EPM2A: variants seen among roughly 807,000 people sequenced by gnomAD.
EPM2A encodes the protein laforin.
In EPM2A, 21 loss-of-function variants were observed where a neutral mutation model predicts 26.5. The observed-to-expected ratio is 0.79, with a 90% CI of 0.56 to 1.14. The LOEUF (loss-of-function observed/expected upper bound fraction) is 1.14, where lower values mean the gene tolerates loss of function less well. EPM2A is among the 50% of genes most tolerant of loss of function. The pLI is 0.00. For synonymous variants in EPM2A, 217 were observed against 177.6 expected (o/e 1.22, Z -1.76); for missense variants, 458 against 440.8 (o/e 1.04, Z -0.35).
At chr6:145,576,502 TG>T (rs1202688829) in intron 2 of EPM2A, among the ~76,000 whole-genome samples, 1 of 152,220 alleles carries the variant, frequency 6.6e-6, no homozygotes, top group African/African-American at 2.4e-5. Flanking sequence ...GCAACCTTGC[TG>T]GAAACAGAAT....
intron 4 of EPM2A, among the ~76,000 whole-genome samples, chr6:145,437,275 C>T (rs1189916130): frequency 6.6e-6 from 1 of 152,078 alleles, no homozygotes; most frequent in Non-Finnish European, 1.5e-5. Context: ...TCGCCTTCTC[C>T]CATGATTGTA....
intron 2 of EPM2A, among the ~76,000 whole-genome samples, chr6:145,616,152 A>G (rs549352953): frequency 6.6e-6 from 1 of 152,326 alleles, no homozygotes; most frequent in South Asian, 2.1e-4. Flanking sequence ...AAGTGGTTTC[A>G]TGGGCCAGGC....
Position 145,726,012 on chromosome 6 carries a change from G to A in EPM2A, c.301+9186C>T, listed in dbSNP as rs140874263. On this transcript the variant is annotated intron_variant, in intron 1 of 3. Coordinates refer to ENST00000367519, the MANE Select transcript of EPM2A (RefSeq NM_005670.4). ...GAGGCACACTCACTGCCCAGATCTT[G>A]ATTTCTAATATCATTCTACAATAAA... 5.1e-3 allele frequency among the ~76,000 whole-genome samples: 773 copies of A among 152,168 alleles called. 4 individuals are homozygous for A. Among genetic ancestry groups the A allele is most frequent in the African/African-American group, 0.018 (753 of 41,546 alleles).
At chr6:145,696,192 A>T (rs149033221) in intron 1 of EPM2A, among the ~76,000 whole-genome samples, 2 of 152,168 alleles carry the variant, frequency 1.3e-5, no homozygotes, top group Non-Finnish European at 2.9e-5. Flanking sequence ...CAAAGAAGGA[A>T]TCAAAAGGGA....
In EPM2A at chr6:145,685,877, A is replaced by G. The variant is rs377026422; in HGVS notation, c.476+245T>C. Among the ~76,000 whole-genome samples, 15 of 152,278 alleles carry G rather than the reference A, an allele frequency of 9.9e-5. No individual in the cohort carries two copies. In the East Asian group the frequency reaches 1.2e-3, roughly 12 times the overall value. On this transcript the variant is annotated intron_variant, in intron 2 of 3. Coordinates refer to ENST00000367519, the MANE Select transcript of EPM2A (RefSeq NM_005670.4). The stretch of plus-strand genomic sequence containing the variant: ...TAAGTACACAGATTGGTTAGCTACT[A>G]TCTGGTCAAAACATATTGATGCTAG...
chr6:145,532,301 C>T (rs1030268025), intron 2 of EPM2A, among the ~76,000 whole-genome samples: 2 of 152,122 alleles, frequency 1.3e-5, no homozygotes, highest in African/African-American at 4.8e-5. Flanking sequence ...AAACACAAAT[C>T]TTCTTGAAAG....
chr6:145,677,876 G>A (rs577294493), intron 2 of EPM2A, among the ~76,000 whole-genome samples: 23 of 152,250 alleles, frequency 1.5e-4, no homozygotes, highest in African/African-American at 5.3e-4. Flanking sequence ...TAGATTAAAT[G>A]CCATCCCCAT....
At chr6:145,578,589 A>T (rs80317377) in intron 2 of EPM2A, among the ~76,000 whole-genome samples, 3,410 of 152,298 alleles carry the variant, frequency 0.022, 46 homozygotes, top group Admixed American at 0.031. Flanking sequence ...TTATGGGTTC[A>T]CCTGTTGAAT....
intron 2 of EPM2A, among the ~76,000 whole-genome samples, chr6:145,557,704 A>G (rs1005346591): frequency 6.6e-6 from 1 of 152,148 alleles, no homozygotes; most frequent in African/African-American, 2.4e-5. Flanking sequence ...GAAAATTAGC[A>G]TATGTATAAC....
At chr6:145,695,608 T>C (rs1318026696) in intron 1 of EPM2A, among the ~76,000 whole-genome samples, 1 of 151,954 alleles carries the variant, frequency 6.6e-6, no homozygotes, top group East Asian at 1.9e-4. Context: ...AAAAATATAT[T>C]CCATGCAAAT....
intron 2 of EPM2A, among the ~76,000 whole-genome samples, chr6:145,523,050 T>TTA (rs1407855231): frequency 2.0e-5 from 3 of 152,328 alleles, no homozygotes; most frequent in Admixed American, 6.5e-5. Flanking sequence ...CATCCTATTC[T>TTA]TATCTATATT....
chr6:145,401,572 T>G (rs1486377933), intron 4 of EPM2A, among the ~76,000 whole-genome samples: 1 of 152,284 alleles, frequency 6.6e-6, no homozygotes, highest in East Asian at 1.9e-4. Flanking sequence ...TGAGGCTTAA[T>G]GAAATTTAAG....
chr6:145,522,059 T>C (rs1214465593), intron 2 of EPM2A, among the ~76,000 whole-genome samples: 1 of 152,102 alleles, frequency 6.6e-6, no homozygotes, highest in Non-Finnish European at 1.5e-5. Context: ...TTCACGCCAT[T>C]CTCCTGCCTC....
intron 1 of EPM2A, among the ~76,000 whole-genome samples, chr6:145,690,189 A>C (rs1035300327): frequency 6.6e-6 from 1 of 152,218 alleles, no homozygotes; most frequent in African/African-American, 2.4e-5. Context: ...TGTCAGAAGA[A>C]TTCAGTTAAA....
rs573054131 is a variant in EPM2A at position 145,686,065 on chromosome 6, G to T, written c.476+57C>A. On this transcript the variant is annotated intron_variant, in intron 2 of 3. Transcript: ENST00000367519. ...TTCGAACACAGTAAATATTTCCATT[G>T]TGCTAATGCTATCTCTTGTCCTACT... 8.9e-4 allele frequency: 1,311 copies of T among 1,481,166 alleles called. 1 individual carries two copies. The highest frequency in any genetic ancestry group is 1.1e-3 in the Non-Finnish European group (1,196 of 1,060,704). 91.8% of individuals were successfully genotyped at this position (1,481,166 alleles called of 1,614,324 possible). A position where few individuals can be genotyped will look rare whatever the true frequency, so the allele number is the denominator to read the frequency against.
chr6:145,430,262 A>G (rs1011564306), intron 4 of EPM2A, among the ~76,000 whole-genome samples: 6 of 152,104 alleles, frequency 3.9e-5, no homozygotes, highest in Non-Finnish European at 2.9e-5. Flanking sequence ...AAAATGAGAA[A>G]TGGCATTTGT....
intron 2 of EPM2A, among the ~76,000 whole-genome samples, chr6:145,586,425 C>A (rs1439796629): frequency 2.6e-5 from 4 of 151,936 alleles, no homozygotes; most frequent in Non-Finnish European, 5.9e-5. Flanking sequence ...TAGGGGCTTG[C>A]CATATGGAAT....
chr6:145,672,471 T>TA (rs1197936759), intron 2 of EPM2A, among the ~76,000 whole-genome samples: 1 of 152,196 alleles, frequency 6.6e-6, no homozygotes. Context: ...ACTACAATGA[T>TA]ACTACGGAAT....
intron 2 of EPM2A, among the ~76,000 whole-genome samples, chr6:145,562,935 A>G (rs1780828605): frequency 6.6e-6 from 1 of 151,216 alleles, no homozygotes; most frequent in African/African-American, 2.4e-5. Context: ...CTTGCACCAT[A>G]GAAGGTGAGA....
Sources: allele counts gnomAD v4.1 joint callset (sites outside exome capture counted in the v4.1 genomes callset), GRCh38; gene constraint gnomAD v4.1.1; transcripts MANE v1.5; gene names NCBI Gene and HGNC (gene_info 2026-07-23, HGNC 2026-07-21).